TBCK: variants seen among roughly 807,000 people sequenced by gnomAD.
TBCK encodes the protein TBC domain-containing protein kinase-like protein.
In TBCK, 99 loss-of-function variants were observed where a neutral mutation model predicts 113.4. The observed-to-expected ratio is 0.87, with a 90% CI of 0.74 to 1.03. TBCK has a LOEUF of 1.03. Among genes scored for constraint, TBCK ranks in the 50% least tolerant of loss-of-function variants. TBCK has a pLI of 0.00. For synonymous variants in TBCK, 369 were observed against 370.8 expected, an observed-to-expected ratio of 1.00 and a Z score of 0.05; for missense variants, 1,045 against 1,061.3, an observed-to-expected ratio of 0.98 and a Z score of 0.21.
intron 3 of TBCK, among the ~76,000 whole-genome samples, chr4:106,263,948 T>C (rs1762738154): frequency 6.6e-6 from 1 of 151,976 alleles, no homozygotes; most frequent in African/African-American, 2.4e-5. Context: ...GTCCTTTTTA[T>C]TACATTGTTT....
At chr4:106,126,376 G>A (rs772412535) in intron 23 of TBCK, among the ~76,000 whole-genome samples, 21 of 152,150 alleles carry the variant, frequency 1.4e-4, no homozygotes, top group Admixed American at 2.0e-4. Context: ...CACACAGAAA[G>A]TATTAAGATA....
At chr4:106,265,687 G>C (rs1347180149) in intron 3 of TBCK, among the ~76,000 whole-genome samples, 1 of 151,804 alleles carries the variant, frequency 6.6e-6, no homozygotes, top group African/African-American at 2.4e-5. Context: ...GAGTATCTCT[G>C]AGAATAGTTA....
At chr4:106,053,067 C>T (rs529391586) in intron 25 of TBCK, among the ~76,000 whole-genome samples, 6 of 151,704 alleles carry the variant, frequency 4.0e-5, no homozygotes, top group South Asian at 4.2e-4. Context: ...TTTGAATTAG[C>T]TCATAACTCA....
intron 20 of TBCK, among the ~76,000 whole-genome samples, chr4:106,197,341 AGTGTGT>A (rs34095868): frequency 0.13 from 19,162 of 142,024 alleles, 1,500 homozygotes; most frequent in South Asian, 0.26. Flanking sequence ...ATTACTGAAG[AGTGTGT>A]GTGTGTGTGT....
intron 20 of TBCK, among the ~76,000 whole-genome samples, chr4:106,197,417 A>G (rs867844578): frequency 5.6e-4 from 78 of 138,074 alleles, no homozygotes; most frequent in Non-Finnish European, 6.2e-4. Flanking sequence ...GTGTGTATAT[A>G]TATATATATA....
At chr4:106,092,491 G>A (rs917047446) in intron 25 of TBCK, among the ~76,000 whole-genome samples, 3 of 152,244 alleles carry the variant, frequency 2.0e-5, no homozygotes, top group African/African-American at 4.8e-5. Flanking sequence ...AGGAGCCCAC[G>A]GTGGGTTGGG....
chr4:106,287,499 C>T (rs1765233019), intron 3 of TBCK, among the ~76,000 whole-genome samples: 1 of 152,144 alleles, frequency 6.6e-6, no homozygotes. Flanking sequence ...GCAATCCTCT[C>T]CAACACAGAA....
intron 12 of TBCK, among the ~76,000 whole-genome samples, chr4:106,242,036 C>T (rs982457774): frequency 1.3e-5 from 2 of 151,770 alleles, no homozygotes; most frequent in Non-Finnish European, 2.9e-5. Context: ...AGAAATCACT[C>T]AACAGAAAAA....
At chr4:106,149,120 CAA>C (rs1392317081) in intron 23 of TBCK, among the ~76,000 whole-genome samples, 2 of 152,166 alleles carry the variant, frequency 1.3e-5, no homozygotes, top group African/African-American at 4.8e-5. Flanking sequence ...CTTACAGAAC[CAA>C]AGAGAGTTAG....
intron 3 of TBCK, among the ~76,000 whole-genome samples, chr4:106,281,802 T>C (rs1764621772): frequency 6.6e-6 from 1 of 152,130 alleles, no homozygotes; most frequent in Non-Finnish European, 1.5e-5. Context: ...AATGTATTGT[T>C]TGCTAGTATT....
intron 20 of TBCK, among the ~76,000 whole-genome samples, chr4:106,210,612 T>C (rs1756016697): frequency 6.6e-6 from 1 of 152,152 alleles, no homozygotes; most frequent in African/African-American, 2.4e-5. Flanking sequence ...CTTTTACCTT[T>C]CACGTTATTA....
intron 25 of TBCK, among the ~76,000 whole-genome samples, chr4:106,055,575 CATAT>C (rs901439166): frequency 3.7e-5 from 5 of 135,152 alleles, no homozygotes; most frequent in African/African-American, 1.4e-4. Flanking sequence ...CACACACACA[CATAT>C]ATATAATTTT....
chr4:106,117,321 G>A (rs1560670401), intron 23 of TBCK, among the ~76,000 whole-genome samples: 2 of 152,234 alleles, frequency 1.3e-5, no homozygotes, highest in South Asian at 2.1e-4. Flanking sequence ...GGCATACATA[G>A]TAATTAAAGA....
At chr4:106,086,987 G>A (rs1315593549) in intron 25 of TBCK, among the ~76,000 whole-genome samples, 1 of 152,110 alleles carries the variant, frequency 6.6e-6, no homozygotes, top group East Asian at 1.9e-4. Context: ...TATTGAATGG[G>A]CAAAAGCTGG....
At chr4:106,271,751 C>CAAA (rs749925685) in intron 3 of TBCK, among the ~76,000 whole-genome samples, 1 of 77,928 alleles carries the variant, frequency 1.3e-5, no homozygotes, top group African/African-American at 5.0e-5. Context: ...GACTTTGTCC[C>CAAA]AAAAAAAAAA....
At chr4:106,277,016 A>G (rs1764100226) in intron 3 of TBCK, among the ~76,000 whole-genome samples, 1 of 152,218 alleles carries the variant, frequency 6.6e-6, no homozygotes, top group African/African-American at 2.4e-5. Context: ...AATGAGAAAC[A>G]ATCCACTTAA....
chr4:106,149,502 A>G (rs1048981909), intron 23 of TBCK, among the ~76,000 whole-genome samples: 12 of 152,168 alleles, frequency 7.9e-5, no homozygotes, highest in Admixed American at 5.2e-4. Context: ...TTCTCAAGGA[A>G]TAGGGAGACA....
intron 5 of TBCK, among the ~76,000 whole-genome samples, chr4:106,258,462 T>G (rs1321287745): frequency 2.6e-5 from 4 of 152,066 alleles, no homozygotes; most frequent in Non-Finnish European, 5.9e-5. Context: ...CTGGCTAATG[T>G]TTCACATTTT....
chr4:106,046,684 G>A lies in TBCK; in HGVS notation c.2572-4C>T. The A allele has an allele frequency of 3.9e-6, 6 of 1,520,302 alleles. No homozygotes were observed. Among genetic ancestry groups the A allele is most frequent in the Admixed American group, 3.7e-5 (2 of 53,874 alleles). 94.2% of individuals were successfully genotyped at this position (1,520,302 alleles called of 1,614,324 possible). On this transcript the variant is annotated splice_region_variant and splice_polypyrimidine_tract_variant and intron_variant, in intron 25 of 25. Coordinates refer to ENST00000394708, the MANE Select transcript of TBCK (RefSeq NM_001163435.3). ...TCTTCACAAGGTGAGCTGCAAACTG[G>A]AAAAAAAAAGAGGCAAAATTTTTAG...
Sources: gnomAD v4.1 joint callset for allele counts (sites outside exome capture counted in the v4.1 genomes callset) on GRCh38, gnomAD v4.1.1 for gene constraint, MANE v1.5 for transcripts, NCBI Gene and HGNC (gene_info 2026-07-23, HGNC 2026-07-21) for gene names.